Variants in GPC3 observed in about 807,000 individuals in gnomAD.
GPC3 encodes glypican-3.
In GPC3, 3 loss-of-function variants were observed where a neutral mutation model predicts 34.4. The ratio of observed to expected loss-of-function variants is 0.09; its 90% CI spans 0.04 to 0.23. The LOEUF is 0.23. Among genes scored for constraint, GPC3 ranks in the 10% least tolerant of loss-of-function variants. The pLI, the probability that GPC3 is intolerant of heterozygous loss-of-function variation, is 1.00. For synonymous variants in GPC3, 177 were observed against 174.0 expected (o/e 1.02, Z -0.13); for missense variants, 351 against 445.6 (o/e 0.79, Z 1.91).
chrX:133,561,114 C>T (rs991061536), intron 7 of GPC3, among the ~76,000 whole-genome samples: 1 of 112,451 alleles, frequency 8.9e-6, no homozygotes, highest in Non-Finnish European at 1.9e-5. Context: ...CACTACCTTC[C>T]CCCTCCATCA....
intron 7 of GPC3, among the ~76,000 whole-genome samples, chrX:133,581,588 T>G (rs1192558670): frequency 8.9e-6 from 1 of 112,445 alleles, no homozygotes; most frequent in Non-Finnish European, 1.9e-5. Flanking sequence ...ATACTCTTCA[T>G]TATAAATTTT....
chrX:133,863,648 C>CTTTTTTTTTT lies in GPC3; in HGVS notation c.337+89392_337+89401dup, dbSNP rs1165193952. Among the ~76,000 whole-genome samples, 43 of 72,876 alleles carry CTTTTTTTTTT rather than the reference C, an allele frequency of 5.9e-4. 5 individuals are homozygous for CTTTTTTTTTT. The highest frequency in any genetic ancestry group is 3.3e-3 in the African/African-American group (39 of 11,968). The allele number at this position is 72,876 out of a possible 115,157, so 63.3% of individuals were successfully genotyped here. Reference sequence around the variant, plus strand: ...ACCCCTAGTTAACATAAAAATATTCCTTTTTTTTTTTTTTTTTTGAGACGG... The same window carrying CTTTTTTTTTT: ...ACCCCTAGTTAACATAAAAATATTCCTTTTTTTTTTTTTTTTTTTTTTTTTTTTGAGACGG... On this transcript the variant is annotated intron_variant, in intron 2 of 7. Transcript: ENST00000370818.
intron 2 of GPC3, among the ~76,000 whole-genome samples, chrX:133,933,521 G>T (rs1008068453): frequency 2.7e-5 from 3 of 110,995 alleles, no homozygotes; most frequent in Non-Finnish European, 5.7e-5. Context: ...CTATAGTTTG[G>T]ATATTTGTAC....
chrX:133,794,843 T>C (rs191998928), intron 2 of GPC3, among the ~76,000 whole-genome samples: 2 of 112,662 alleles, frequency 1.8e-5, no homozygotes, highest in African/African-American at 6.4e-5. Context: ...AAATAGATTC[T>C]ATTAGTCACA....
At chrX:133,602,884 A>C (rs1358295676) in intron 6 of GPC3, among the ~76,000 whole-genome samples, 1 of 111,392 alleles carries the variant, frequency 9.0e-6, no homozygotes, top group Non-Finnish European at 1.9e-5. Flanking sequence ...TATAGGAAAA[A>C]CAAAAATATC....
At chrX:133,635,986 T>A (rs1399372012) in intron 6 of GPC3, among the ~76,000 whole-genome samples, 1 of 111,419 alleles carries the variant, frequency 9.0e-6, no homozygotes, top group African/African-American at 3.3e-5. Context: ...CATTTCCCTA[T>A]CTCTAATGGG....
intron 2 of GPC3, among the ~76,000 whole-genome samples, chrX:133,853,247 C>T (rs1038609936): frequency 1.8e-5 from 2 of 111,598 alleles, no homozygotes; most frequent in Non-Finnish European, 3.8e-5. Flanking sequence ...TATGAGAACA[C>T]GTACCACAAA....
At chrX:133,780,039 T>G (rs774892264) in intron 2 of GPC3, among the ~76,000 whole-genome samples, 1 of 112,000 alleles carries the variant, frequency 8.9e-6, no homozygotes, top group East Asian at 2.8e-4. Flanking sequence ...GAAATGGTTA[T>G]GGGGTCCATA....
chrX:133,702,969 T>C (rs780749531), intron 3 of GPC3, among the ~76,000 whole-genome samples: 1 of 112,511 alleles, frequency 8.9e-6, no homozygotes, highest in East Asian at 2.8e-4. Flanking sequence ...ATTATGAGCT[T>C]ATTTTGAGAA....
At chrX:133,596,254 G>A (rs1394947261) in intron 7 of GPC3, 186 bp downstream of exon 7, 9 of 461,613 alleles carry the variant, frequency 1.9e-5, no homozygotes, top group East Asian at 3.7e-5. Flanking sequence ...GGAAATGGTG[G>A]GAGGAAAAGA....
At chrX:133,719,090 C>T (rs190794230) in intron 3 of GPC3, among the ~76,000 whole-genome samples, 4 of 111,143 alleles carry the variant, frequency 3.6e-5, no homozygotes, top group African/African-American at 9.8e-5. Context: ...TATAAGCCAA[C>T]TAGATCAAAC....
chrX:133,640,544 G>A (rs901632397), intron 6 of GPC3, among the ~76,000 whole-genome samples: 2 of 112,409 alleles, frequency 1.8e-5, no homozygotes, highest in Non-Finnish European at 3.7e-5. Flanking sequence ...CTCTGCCGAA[G>A]GCCCCCTGTG....
In GPC3 at chrX:133,554,767, C is replaced by T. The variant is rs773436354; in HGVS notation, c.1574-18474G>A. Among the ~76,000 whole-genome samples the T allele has an allele frequency of 8.0e-5, 9 of 112,051 alleles. No homozygotes were observed. The East Asian group carries it at 1.4e-3, about 18-fold the overall frequency. ...GGTCCAACCCTAGCCAGTAGGGGAACGACACAGCAGTAGGGGCTACCAGCG... is the reference window on the plus strand; with the variant it reads ...GGTCCAACCCTAGCCAGTAGGGGAATGACACAGCAGTAGGGGCTACCAGCG... On this transcript the variant is annotated intron_variant, in intron 7 of 7. Transcript: ENST00000370818.
At chrX:133,649,504 T>C (rs181549061) in intron 6 of GPC3, among the ~76,000 whole-genome samples, 1 of 111,189 alleles carries the variant, frequency 9.0e-6, no homozygotes, top group Non-Finnish European at 1.9e-5. Flanking sequence ...TTGCAATTAC[T>C]GATCAATCAA....
intron 2 of GPC3, among the ~76,000 whole-genome samples, chrX:133,912,295 C>T (rs560009452): frequency 1.8e-5 from 2 of 112,132 alleles, no homozygotes; most frequent in Admixed American, 1.9e-4. Context: ...GGGAAGGTCC[C>T]GTTTGGGAAG....
At chrX:133,768,864 C>T (rs909083842) in intron 2 of GPC3, among the ~76,000 whole-genome samples, 1 of 109,941 alleles carries the variant, frequency 9.1e-6, no homozygotes, top group Non-Finnish European at 1.9e-5. Flanking sequence ...CACTGGAACC[C>T]GGGAGGCAGA....
intron 1 of GPC3, among the ~76,000 whole-genome samples, chrX:133,971,905 G>A (rs1449196216): frequency 9.0e-6 from 1 of 111,602 alleles, no homozygotes; most frequent in Non-Finnish European, 1.9e-5. Context: ...ATTTTACCCC[G>A]AATTATTAGT....
At chrX:133,961,169 T>C (rs2076439729) in intron 1 of GPC3, among the ~76,000 whole-genome samples, 1 of 111,268 alleles carries the variant, frequency 9.0e-6, no homozygotes, top group African/African-American at 3.3e-5. Context: ...CAGCTGAAGG[T>C]TACCCTTCTG....
rs188133266 is a variant in GPC3, at chrX:133,760,583, G to C, written c.338-6407C>G. Among the ~76,000 whole-genome samples the C allele has an allele frequency of 3.1e-4, 35 of 111,547 alleles. No homozygotes were observed. In the East Asian group the frequency reaches 9.6e-3, roughly 30 times the overall value. On this transcript the variant is annotated intron_variant, in intron 2 of 7. Transcript: ENST00000370818. ...ACATTCTGGAAAAGGCAAAACTATA[G>C]AGACACTAAAAAGATCAATGGTTGT...
Sources: allele counts gnomAD v4.1 joint callset (sites outside exome capture counted in the v4.1 genomes callset), GRCh38; gene constraint gnomAD v4.1.1; transcripts MANE v1.5; gene names NCBI Gene and HGNC (gene_info 2026-07-23, HGNC 2026-07-21).